The following IL34 variants were observed in gnomAD, a reference collection of about 807,000 sequenced individuals.
The protein encoded by IL34 is interleukin-34.
In IL34, 17 loss-of-function variants were observed where a neutral mutation model predicts 25.3. The observed-to-expected ratio is 0.67, with a 90% confidence interval of 0.46 to 1.01. The LOEUF (loss-of-function observed/expected upper bound fraction) is 1.01. Ranked by LOEUF, IL34 falls within the 50% of genes least tolerant of loss-of-function variation. The pLI is 0.00. For missense variants in IL34, 368 were observed against 312.9 expected (o/e 1.18, Z -1.33); for synonymous variants, 174 against 140.9 (o/e 1.23, Z -1.66).
intron 2 of IL34, 100 bp downstream of exon 2, chr16:70,654,771 G>A: frequency 1.4e-6 from 2 of 1,418,632 alleles, no homozygotes; most frequent in South Asian, 1.5e-5. Flanking sequence ...ACCTGTGTCA[G>A]CCCTGAGCCG....
At chr16:70,648,525 C>G (rs1249301557) in intron 1 of IL34, among the ~76,000 whole-genome samples, 1 of 125,168 alleles carries the variant, frequency 8.0e-6, no homozygotes, top group South Asian at 2.7e-4. Context: ...GCACTGCAGC[C>G]TGGGCAACAG....
chr16:70,621,189 C>T (rs1200329381), intron 1 of IL34, among the ~76,000 whole-genome samples: 1 of 152,094 alleles, frequency 6.6e-6, no homozygotes, highest in Non-Finnish European at 1.5e-5. Flanking sequence ...GTTGAAGGAC[C>T]AAGGCAGGCG....
chr16:70,658,107 TCCACCTGCTGCCCTGCCCAG>T (rs1327165563), intron 4 of IL34, among the ~76,000 whole-genome samples: 1 of 152,140 alleles, frequency 6.6e-6, no homozygotes, highest in East Asian at 1.9e-4. Context: ...GTCCCTGGGA[TCCACCTGCTGCCCTGCCCAG>T]CCAGCTGCTG....
At chr16:70,607,092 A>ATTTTCTTTTC (rs145058751) in intron 1 of IL34, among the ~76,000 whole-genome samples, 1 of 150,966 alleles carries the variant, frequency 6.6e-6, no homozygotes, top group African/African-American at 2.4e-5. Flanking sequence ...ATTCCTTAGG[A>ATTTTCTTTTC]TTTTGTTTTC....
At chr16:70,585,678 G>T (rs1184374108) in intron 1 of IL34, among the ~76,000 whole-genome samples, 1 of 150,370 alleles carries the variant, frequency 6.7e-6, no homozygotes, top group Non-Finnish European at 1.5e-5. Context: ...GACAGAGGGA[G>T]ACTCTGTCTT....
At chr16:70,624,393 A>G (rs920707612) in intron 1 of IL34, among the ~76,000 whole-genome samples, 3 of 152,136 alleles carry the variant, frequency 2.0e-5, no homozygotes, top group Non-Finnish European at 4.4e-5. Flanking sequence ...GTACACCTTG[A>G]AGGTGAGGTT....
At chr16:70,645,507 C>A (rs982556238), upstream of IL34, among the ~76,000 whole-genome samples, 1 of 152,174 alleles carries the variant, frequency 6.6e-6, no homozygotes, top group Non-Finnish European at 1.5e-5. Context: ...ATCTGCAGAG[C>A]AGACACAATG....
At chr16:70,619,388 C>A (rs996556273) in intron 1 of IL34, among the ~76,000 whole-genome samples, 1 of 151,926 alleles carries the variant, frequency 6.6e-6, no homozygotes, top group East Asian at 1.9e-4. Context: ...TAGCTGTAGT[C>A]CAGGAATAGT....
intron 1 of IL34, among the ~76,000 whole-genome samples, chr16:70,648,099 C>A (rs931245238): frequency 1.3e-5 from 2 of 152,164 alleles, no homozygotes; most frequent in Admixed American, 1.3e-4. Flanking sequence ...CCTCCCTCCC[C>A]ATAGCAGGCA....
At chr16:70,621,867 T>A (rs2051290721) in intron 1 of IL34, among the ~76,000 whole-genome samples, 1 of 151,912 alleles carries the variant, frequency 6.6e-6, no homozygotes, top group Non-Finnish European at 1.5e-5. Context: ...GGAGAAGGAC[T>A]TTCACAAGGT....
intron 1 of IL34, among the ~76,000 whole-genome samples, chr16:70,628,674 A>G (rs1324070380): frequency 6.6e-6 from 1 of 150,932 alleles, no homozygotes; most frequent in Non-Finnish European, 1.5e-5. Flanking sequence ...TTTAGTAGAG[A>G]TGGGGTCTCA....
chr16:70,652,429 C>T (rs1410072777), intron 1 of IL34, among the ~76,000 whole-genome samples: 1 of 152,164 alleles, frequency 6.6e-6, no homozygotes, highest in Non-Finnish European at 1.5e-5. Context: ...CTGCACCTGT[C>T]TGCCTGGGCG....
At chr16:70,619,694 A>C (rs12599982) in intron 1 of IL34, among the ~76,000 whole-genome samples, 24 of 151,798 alleles carry the variant, frequency 1.6e-4, no homozygotes, top group African/African-American at 5.5e-4. Flanking sequence ...GATGGTCTAC[A>C]GGGCTTTCGA....
At chr16:70,642,544 C>A (rs1327225692), upstream of IL34, among the ~76,000 whole-genome samples, 1 of 152,150 alleles carries the variant, frequency 6.6e-6, no homozygotes, top group African/African-American at 2.4e-5. Context: ...GATCCTCCCG[C>A]CTTGGGCTCC....
In IL34 at chr16:70,654,658, G is replaced by C; in HGVS notation, c.149G>C (p.Arg50Pro). 1 of 1,609,184 alleles carries C rather than the reference G, an allele frequency of 6.2e-7. No homozygotes were observed. The highest frequency in any genetic ancestry group is 8.5e-7 in the Non-Finnish European group (1 of 1,176,396). ...FLRDKLQYRSRLQYMKHYFPI... is the reference protein window; with the variant it reads ...FLRDKLQYRSPLQYMKHYFPI... ...CGGGACAAGCTGCAGTACAGGAGCC[G>C]ACTTCAGTACATGGTAACCACGTGG... The change falls in exon 2 of 6, where the codon CGA becomes CCA. Residue 50 changes from arginine to proline, a missense_variant. By Grantham distance (103) the Arg-to-Pro change is moderately radical. Coordinates refer to ENST00000288098, the MANE Select transcript of IL34 (RefSeq NM_001393494.1).
At chr16:70,651,246 G>T (rs752289967) in intron 1 of IL34, among the ~76,000 whole-genome samples, 6 of 152,126 alleles carry the variant, frequency 3.9e-5, no homozygotes, top group African/African-American at 1.4e-4. Flanking sequence ...GGTACCTAGC[G>T]CAGGGCAAAG....
chr16:70,632,918 A>G (rs979827729), intron 1 of IL34, among the ~76,000 whole-genome samples: 1 of 152,174 alleles, frequency 6.6e-6, no homozygotes, highest in Non-Finnish European at 1.5e-5. Flanking sequence ...TATTGTTAAA[A>G]TTGGAGTATA....
At chr16:70,629,655 A>G (rs938324381) in intron 1 of IL34, among the ~76,000 whole-genome samples, 4 of 152,110 alleles carry the variant, frequency 2.6e-5, no homozygotes, top group Non-Finnish European at 5.9e-5. Flanking sequence ...AAATGTCTGT[A>G]CATGTTCAGT....
chr16:70,588,369 C>A (rs1156568075), intron 1 of IL34, among the ~76,000 whole-genome samples: 2 of 152,034 alleles, frequency 1.3e-5, no homozygotes. Context: ...TGGCACATGT[C>A]TGTAATCCCA....
Sources: gnomAD v4.1 joint callset for allele counts (sites outside exome capture counted in the v4.1 genomes callset) on GRCh38, gnomAD v4.1.1 for gene constraint, MANE v1.5 for transcripts, NCBI Gene and HGNC (gene_info 2026-07-23, HGNC 2026-07-21) for gene names.